Variants in SORT1 observed in about 807,000 individuals in gnomAD.
SORT1 encodes sortilin.
A neutral mutation model predicts 101.7 loss-of-function variants in SORT1; 39 were observed. That is an observed-to-expected ratio of 0.38 (90% CI 0.30 to 0.50). The LOEUF (loss-of-function observed/expected upper bound fraction) is 0.50, where lower values mean the gene tolerates loss of function less well. SORT1 is among the 20% of genes least tolerant of loss of function. SORT1 has a pLI of 0.90. For missense variants in SORT1, 878 were observed against 1,040.4 expected (o/e 0.84, Z 2.15); for synonymous variants, 396 against 393.7 (o/e 1.01, Z -0.07).
intron 1 of SORT1, chr1:109,389,743 G>A (rs1028144807): frequency 6.6e-6 from 1 of 152,218 alleles, no homozygotes; most frequent in Non-Finnish European, 1.5e-5. Context: ...GGAAACGTTA[G>A]CACTTCAAGT....
At chr1:109,385,969 CTGA>C (rs1382205350) in intron 1 of SORT1, among the ~76,000 whole-genome samples, 3 of 152,132 alleles carry the variant, frequency 2.0e-5, no homozygotes, top group African/African-American at 7.2e-5. Flanking sequence ...TTCCCAGGAC[CTGA>C]TAAGTGCCTC....
At chr1:109,340,578 A>AAT in intron 10 of SORT1, 146 bp downstream of exon 10, 1 of 203,410 alleles carries the variant, frequency 4.9e-6, no homozygotes, top group Non-Finnish European at 8.7e-6. Context: ...TTGCCACAAT[A>AAT]AAAAAAAAAA....
chr1:109,356,546 G>C (rs1227503653), intron 3 of SORT1, among the ~76,000 whole-genome samples: 1 of 152,126 alleles, frequency 6.6e-6, no homozygotes, highest in Non-Finnish European at 1.5e-5. Context: ...TATGCAAAGT[G>C]CTCCCAAAGG....
At position 109,318,019 on chromosome 1, in the gene SORT1, T is replaced by G. The variant is rs1647356553; in HGVS notation, c.2025-50A>C. 3.4e-6 allele frequency: 4 copies of G among 1,174,372 alleles called. No homozygotes were observed. In the South Asian group the frequency reaches 4.9e-5, roughly 14 times the overall value. 72.7% of individuals were successfully genotyped at this position (1,174,372 alleles called of 1,614,324 possible). ...CCTTTCAAAGCAGCTGGAAGACCGT[T>G]AAGTGACTAGCAATGAAGGGTTATG... On this transcript the variant is annotated intron_variant, in intron 15 of 19. Transcript: ENST00000256637.
intron 6 of SORT1, 64 bp from the exon 7 acceptor site, chr1:109,347,596 TACTC>T: frequency 8.5e-7 from 1 of 1,179,194 alleles, no homozygotes; most frequent in Admixed American, 1.7e-5. Context: ...GTGTTGACCT[TACTC>T]ACAAACTTCC....
At chr1:109,346,743 T>TG (rs1649631495) in intron 7 of SORT1, among the ~76,000 whole-genome samples, 1 of 89,826 alleles carries the variant, frequency 1.1e-5, no homozygotes, top group Non-Finnish European at 2.0e-5. Context: ...AGACTCCGTC[T>TG]CAAAAAAAAA....
At chr1:109,315,475 G>A (rs1658974900) in intron 17 of SORT1, among the ~76,000 whole-genome samples, 4 of 151,814 alleles carry the variant, frequency 2.6e-5, no homozygotes, top group Non-Finnish European at 5.9e-5. Context: ...GGAGGAACTC[G>A]CCCCCTTACC....
chr1:109,327,155 C>A lies in SORT1; in HGVS notation c.1480G>T (p.Val494Leu), dbSNP rs573383155. Residue 494 changes from valine (V) to leucine (L), a missense_variant, in exon 13 of 20, where the codon GTG (valine) becomes TTG (leucine). Val to Leu is a conservative substitution (Grantham distance 32). Around this residue, in one of 2 missense-constraint regions of SORT1, gnomAD observed 684 missense variants for 894.5 expected, o/e 0.76. Transcript: ENST00000256637. ...AVGIVIAHGSVGDAISVMVPD... is the reference protein window; with the variant it reads ...AVGIVIAHGSLGDAISVMVPD... ...ACCATCACTGAGATGGCATCCCCCA[C>A]GCTACCTGCAATATAATCCACCATC... 3.7e-6 allele frequency: 6 copies of A among 1,611,626 alleles called. No individual in the cohort carries two copies. The highest frequency in any genetic ancestry group is 5.1e-6 in the Non-Finnish European group (6 of 1,178,384).
chr1:109,325,120 A>T, intron 13 of SORT1, 31 bp from the exon 14 acceptor site: 1 of 1,519,872 alleles, frequency 6.6e-7, no homozygotes, highest in Non-Finnish European at 9.0e-7. Flanking sequence ...AGATCATGAC[A>T]GAGGATCAAT....
chr1:109,340,577 TAAAA>T, intron 10 of SORT1, 143 bp downstream of exon 10: 1 of 644,284 alleles, frequency 1.6e-6, no homozygotes, highest in Non-Finnish European at 2.5e-6. Flanking sequence ...ATTGCCACAA[TAAAA>T]AAAAAAAAGG....
chr1:109,382,775 A>C (rs1652322098), intron 1 of SORT1, among the ~76,000 whole-genome samples: 1 of 152,164 alleles, frequency 6.6e-6, no homozygotes, highest in Admixed American at 6.5e-5. Context: ...TCAGGAATTC[A>C]TTATGTTAGA....
chr1:109,374,241 T>A (rs1651672155), intron 1 of SORT1, among the ~76,000 whole-genome samples: 1 of 152,028 alleles, frequency 6.6e-6, no homozygotes, highest in African/African-American at 2.4e-5. Context: ...AATTAGAGAA[T>A]GGATTGAGAA....
intron 8 of SORT1, among the ~76,000 whole-genome samples, chr1:109,345,236 C>T (rs1018918378): frequency 2.6e-5 from 4 of 152,032 alleles, no homozygotes; most frequent in African/African-American, 7.2e-5. Context: ...ATATCCTGGC[C>T]GGGCGCGGTG....
At chr1:109,364,380 AC>A (rs1219323598) in intron 3 of SORT1, among the ~76,000 whole-genome samples, 1 of 152,218 alleles carries the variant, frequency 6.6e-6, no homozygotes, top group Non-Finnish European at 1.5e-5. Context: ...CCTTTAAAAC[AC>A]GTTGACATCC....
rs1423841989 is a variant in SORT1 at position 109,397,776 on chromosome 1, C to T, written c.117G>A (p.Ala39=). The T allele has an allele frequency of 1.6e-6, 2 of 1,217,392 alleles. No individual in the cohort carries two copies. Among genetic ancestry groups the T allele is most frequent in the South Asian group, 2.5e-5 (1 of 40,648 alleles). The allele number at this position is 1,217,392 out of a possible 1,614,324, so 75.4% of individuals were successfully genotyped here. A position where few individuals can be genotyped will look rare whatever the true frequency, so the allele number is the denominator to read the frequency against. The change falls in exon 1 of 20, where the codon GCG becomes GCA. Residue 39 remains alanine (A), a synonymous_variant. Transcript: ENST00000256637. ...GCAGCGGCGCAGCGGGCGGCGGCGG[C>T]GCGTCCAGCCGGTCCTGGCTGAGGG... ...PSTLSQDRLD[A]PPPPAAPLPR...
At chr1:109,397,533 G>T in intron 1 of SORT1, 54 bp downstream of exon 1, 1 of 1,079,130 alleles carries the variant, frequency 9.3e-7, no homozygotes, top group Non-Finnish European at 1.1e-6. Context: ...GCCGGGAGGG[G>T]CACGCGGGCG....
chr1:109,326,051 CTTCTTT>C (rs1647993124), intron 13 of SORT1, among the ~76,000 whole-genome samples: 1 of 147,720 alleles, frequency 6.8e-6, no homozygotes. Flanking sequence ...AGAACTTATA[CTTCTTT>C]TTTTTTTTTT....
chr1:109,396,391 AT>A (rs201716200), intron 1 of SORT1, among the ~76,000 whole-genome samples: 4 of 151,558 alleles, frequency 2.6e-5, no homozygotes, highest in East Asian at 1.9e-4. Context: ...AGTCTATTCG[AT>A]TTTTTTTTCT....
intron 1 of SORT1, among the ~76,000 whole-genome samples, chr1:109,373,134 C>A (rs1013144546): frequency 6.6e-6 from 1 of 152,044 alleles, no homozygotes; most frequent in South Asian, 2.1e-4. Flanking sequence ...GGACACCAGG[C>A]ACAAAGGACG....
Sources: allele counts gnomAD v4.1 joint callset (sites outside exome capture counted in the v4.1 genomes callset), GRCh38; gene constraint gnomAD v4.1.1; regional missense constraint gnomAD v4.1.1; transcripts MANE v1.5; gene names NCBI Gene and HGNC (gene_info 2026-07-23, HGNC 2026-07-21).